Variants in RAPGEF4 observed in about 807,000 individuals in gnomAD.
RAPGEF4 encodes the protein Rap guanine nucleotide exchange factor 4.
RAPGEF4 carries 66 observed loss-of-function variants against 147.9 expected under a neutral mutation model. That is an observed-to-expected ratio of 0.45 (90% CI 0.37 to 0.55). RAPGEF4 has a LOEUF of 0.55. RAPGEF4 is among the 20% of genes least tolerant of loss of function. The pLI is 0.00. For missense variants in RAPGEF4, 1,071 were observed against 1,257.3 expected, an observed-to-expected ratio of 0.85 and a Z score of 2.24; for synonymous variants, 419 against 442.7, an observed-to-expected ratio of 0.95 and a Z score of 0.67.
chr2:173,018,505 C>A (rs1695714194), intron 21 of RAPGEF4, 151 bp from the exon 22 acceptor site: 2 of 741,566 alleles, frequency 2.7e-6, no homozygotes, highest in African/African-American at 1.8e-5. Context: ...TTAGAAGGGG[C>A]AGGAATAGGG....
At chr2:172,796,780 A>C (rs1050477151) in intron 2 of RAPGEF4, among the ~76,000 whole-genome samples, 7 of 152,168 alleles carry the variant, frequency 4.6e-5, no homozygotes, top group Non-Finnish European at 7.4e-5. Context: ...TTTTTCATTG[A>C]GTTACTTGAC....
intron 6 of RAPGEF4, among the ~76,000 whole-genome samples, chr2:172,953,839 T>C (rs570857664): frequency 1.3e-5 from 2 of 152,184 alleles, no homozygotes; most frequent in Admixed American, 1.3e-4. Flanking sequence ...TACTAGTGTA[T>C]GAGGGAGAGA....
intron 4 of RAPGEF4, among the ~76,000 whole-genome samples, chr2:172,862,117 T>C (rs1694114055): frequency 6.6e-6 from 1 of 152,116 alleles, no homozygotes; most frequent in African/African-American, 2.4e-5. Flanking sequence ...TGGCAGGAGA[T>C]CAGAGTACAT....
intron 3 of RAPGEF4, among the ~76,000 whole-genome samples, chr2:172,809,409 T>C (rs2149589833): frequency 6.6e-6 from 1 of 152,266 alleles, no homozygotes; most frequent in Admixed American, 6.5e-5. Context: ...AGAATTAGGG[T>C]ACCCAGCAGG....
chr2:172,894,023 A>G (rs1342763341), intron 4 of RAPGEF4: 1 of 152,518 alleles, frequency 6.6e-6, no homozygotes, highest in East Asian at 1.9e-4. Context: ...TCATTTTTCT[A>G]TACAAAGACT....
At chr2:172,796,965 C>A (rs114540665) in intron 2 of RAPGEF4, among the ~76,000 whole-genome samples, 1 of 152,212 alleles carries the variant, frequency 6.6e-6, no homozygotes, top group Middle Eastern at 3.4e-3. Context: ...TATCTAAATA[C>A]CTAAATATTT....
intron 4 of RAPGEF4, among the ~76,000 whole-genome samples, chr2:172,850,377 G>A (rs937046925): frequency 7.9e-5 from 12 of 152,060 alleles, no homozygotes; most frequent in African/African-American, 2.9e-4. Flanking sequence ...TAGCACTTCG[G>A]GAGGCCGAGG....
chr2:172,752,824 T>C (rs1695416190), intron 1 of RAPGEF4, among the ~76,000 whole-genome samples: 1 of 152,228 alleles, frequency 6.6e-6, no homozygotes, highest in South Asian at 2.1e-4. Context: ...TGCTCTTTTA[T>C]CTCCTTGCGC....
chr2:172,762,011 A>G (rs1696395138), intron 1 of RAPGEF4, among the ~76,000 whole-genome samples: 1 of 152,132 alleles, frequency 6.6e-6, no homozygotes, highest in Non-Finnish European at 1.5e-5. Flanking sequence ...AATCCAAGCT[A>G]CTCGGGAGGC....
Position 173,051,867 on chromosome 2 carries a change from C to A in RAPGEF4, c.*100C>A. 4 of 1,401,414 alleles carry A rather than the reference C, an allele frequency of 2.9e-6. No homozygotes were observed. The highest frequency in any genetic ancestry group is 3.9e-5 in the Admixed American group (2 of 51,446). The allele number at this position is 1,401,414 out of a possible 1,614,324, so 86.8% of individuals were successfully genotyped here. A position where few individuals can be genotyped will look rare whatever the true frequency, so the allele number is the denominator to read the frequency against. On this transcript the variant is annotated 3_prime_UTR_variant, in exon 31 of 31. Coordinates refer to ENST00000397081, the MANE Select transcript of RAPGEF4 (RefSeq NM_007023.4). ...ACTGTATTGCCACTAGAGAATTCTA[C>A]AAAACAAGCAAAAACACATCCTGAG...
At chr2:172,996,009 T>A (rs1693319317) in intron 15 of RAPGEF4, among the ~76,000 whole-genome samples, 1 of 152,210 alleles carries the variant, frequency 6.6e-6, no homozygotes, top group Non-Finnish European at 1.5e-5. Context: ...GACAGAGCAT[T>A]CCAGAAATAG....
intron 29 of RAPGEF4, 155 bp from the exon 30 acceptor site, chr2:173,048,445 G>A: frequency 7.0e-7 from 1 of 1,431,838 alleles, no homozygotes; most frequent in Non-Finnish European, 9.2e-7. Context: ...AATTAAACAA[G>A]TTATACATCA....
chr2:172,969,326 G>A (rs1690212358), intron 10 of RAPGEF4, among the ~76,000 whole-genome samples: 1 of 152,228 alleles, frequency 6.6e-6, no homozygotes, highest in Non-Finnish European at 1.5e-5. Context: ...TCTGTCTAGG[G>A]CAGAGGATTA....
At chr2:172,954,507 A>C (rs1195176420) in intron 6 of RAPGEF4, among the ~76,000 whole-genome samples, 2 of 152,196 alleles carry the variant, frequency 1.3e-5, no homozygotes, top group African/African-American at 4.8e-5. Context: ...CTTCAAATGG[A>C]AGCCGAAGAA....
rs190163278 is a variant in RAPGEF4 at position 172,794,481 on chromosome 2, C to A, written c.66-544C>A. On this transcript the variant is annotated intron_variant, in intron 1 of 30. Coordinates refer to ENST00000397081, the MANE Select transcript of RAPGEF4 (RefSeq NM_007023.4). Reference sequence around the variant, plus strand: ...AGAAAACTAAGAAGAAGGAAAACAGCCAAATAAGAGCTGCTCCCTGCGGAC... The same window carrying A: ...AGAAAACTAAGAAGAAGGAAAACAGACAAATAAGAGCTGCTCCCTGCGGAC... 2.0e-5 allele frequency among the ~76,000 whole-genome samples: 3 copies of A among 152,224 alleles called. 1 individual carries two copies. In the East Asian group the frequency reaches 5.8e-4, roughly 29 times the overall value.
chr2:172,967,689 G>A (rs1359636006), intron 10 of RAPGEF4, among the ~76,000 whole-genome samples: 13 of 152,252 alleles, frequency 8.5e-5, no homozygotes, highest in African/African-American at 2.6e-4. Flanking sequence ...AGTTGGCTCC[G>A]GCTGTCAAAA....
chr2:172,946,496 C>T (rs994448592), intron 6 of RAPGEF4, among the ~76,000 whole-genome samples: 12 of 152,136 alleles, frequency 7.9e-5, no homozygotes, highest in African/African-American at 2.9e-4. Context: ...TGTCTTCCTA[C>T]ACTTTCTCTC....
chr2:172,908,688 A>C (rs921265559), intron 4 of RAPGEF4, among the ~76,000 whole-genome samples: 10 of 152,222 alleles, frequency 6.6e-5, no homozygotes, highest in African/African-American at 9.6e-5. Context: ...TGGAACTTTA[A>C]TTTATGAAAC....
chr2:172,923,311 C>T (rs768084170), intron 6 of RAPGEF4, among the ~76,000 whole-genome samples: 5 of 152,170 alleles, frequency 3.3e-5, no homozygotes, highest in African/African-American at 4.8e-5. Context: ...CTCTGCCACC[C>T]AGGCTGGAGT....
Sources: allele counts gnomAD v4.1 joint callset (sites outside exome capture counted in the v4.1 genomes callset), GRCh38; gene constraint gnomAD v4.1.1; transcripts MANE v1.5; gene names NCBI Gene and HGNC (gene_info 2026-07-23, HGNC 2026-07-21).